Variants in CNOT4 observed in about 807,000 individuals in gnomAD.
The protein encoded by CNOT4 is CCR4-NOT transcription complex subunit 4.
CNOT4 carries 8 observed loss-of-function variants against 73.8 expected under a neutral mutation model. That is an observed-to-expected ratio of 0.11 (90% CI 0.06 to 0.20). The LOEUF (loss-of-function observed/expected upper bound fraction) is 0.20, where lower values mean the gene tolerates loss of function less well. CNOT4 is among the 10% of genes least tolerant of loss of function. CNOT4 has a pLI of 1.00. For synonymous variants in CNOT4, 293 were observed against 321.1 expected, an observed-to-expected ratio of 0.91 and a Z score of 0.94; for missense variants, 564 against 883.4, an observed-to-expected ratio of 0.64 and a Z score of 4.58.
chr7:135,397,418 G>A (rs1028383150), intron 8 of CNOT4, among the ~76,000 whole-genome samples: 1 of 151,798 alleles, frequency 6.6e-6, no homozygotes, highest in African/African-American at 2.4e-5. Context: ...ATACACAAGG[G>A]GATATACAGA....
intron 2 of CNOT4, among the ~76,000 whole-genome samples, chr7:135,432,092 C>T (rs971771856): frequency 2.0e-5 from 3 of 151,554 alleles, no homozygotes; most frequent in Non-Finnish European, 3.0e-5. Context: ...AACCTTGTCA[C>T]GCCAGGTTTC....
chr7:135,494,350 A>C (rs1234664332), intron 1 of CNOT4, among the ~76,000 whole-genome samples: 1 of 151,680 alleles, frequency 6.6e-6, no homozygotes, highest in East Asian at 1.9e-4. Context: ...CGCGCCTGTA[A>C]TCCCAGCTAC....
At chr7:135,390,912 G>C (rs1275220735) in intron 10 of CNOT4, among the ~76,000 whole-genome samples, 1 of 152,098 alleles carries the variant, frequency 6.6e-6, no homozygotes, top group Non-Finnish European at 1.5e-5. Flanking sequence ...ATATCTTAAA[G>C]TAGCAGGTCC....
intron 7 of CNOT4, among the ~76,000 whole-genome samples, chr7:135,408,542 C>T (rs972693511): frequency 6.6e-6 from 1 of 152,176 alleles, no homozygotes; most frequent in African/African-American, 2.4e-5. Flanking sequence ...CATCTTCCAA[C>T]CTACTTACTG....
chr7:135,506,120 G>A (rs141701793), intron 1 of CNOT4, among the ~76,000 whole-genome samples: 2 of 152,210 alleles, frequency 1.3e-5, no homozygotes, highest in African/African-American at 4.8e-5. Flanking sequence ...CTTTTATTCA[G>A]GAATGGATAT....
intron 1 of CNOT4, among the ~76,000 whole-genome samples, chr7:135,501,596 G>A (rs1803972426): frequency 6.6e-6 from 1 of 152,070 alleles, no homozygotes; most frequent in African/African-American, 2.4e-5. Flanking sequence ...GCACACTATT[G>A]AACGAGTAAT....
intron 1 of CNOT4, among the ~76,000 whole-genome samples, chr7:135,459,217 C>A (rs929390784): frequency 6.6e-6 from 1 of 151,894 alleles, no homozygotes; most frequent in African/African-American, 2.4e-5. Flanking sequence ...ATCTTTTTTT[C>A]TGAGCGGTAG....
chr7:135,409,376 A>C (rs1451668384), intron 7 of CNOT4, among the ~76,000 whole-genome samples: 1 of 152,216 alleles, frequency 6.6e-6, no homozygotes, highest in Non-Finnish European at 1.5e-5. Context: ...TACATAGTTT[A>C]CTATACAGTA....
At chr7:135,426,918 C>T (rs1798539509) in intron 2 of CNOT4, among the ~76,000 whole-genome samples, 2 of 143,380 alleles carry the variant, frequency 1.4e-5, no homozygotes, top group Non-Finnish European at 3.0e-5. Flanking sequence ...AATGAAACTC[C>T]ATCTCAAAAA....
chr7:135,370,989 C>T (rs10255837), intron 10 of CNOT4, among the ~76,000 whole-genome samples: 102,775 of 152,156 alleles, frequency 0.68, 35,047 homozygotes, highest in Middle Eastern at 0.79. Context: ...AAATACTCCA[C>T]TATTATGTGT....
intron 10 of CNOT4, among the ~76,000 whole-genome samples, chr7:135,389,157 C>CAAAAAAAAAAAA (rs11292254): frequency 1.2e-5 from 1 of 83,670 alleles, no homozygotes; most frequent in African/African-American, 4.5e-5. Flanking sequence ...AACATACTAC[C>CAAAAAAAAAAAA]AAAAAAAAAA....
At chr7:135,474,037 T>C (rs1189222426) in intron 1 of CNOT4, among the ~76,000 whole-genome samples, 2 of 145,176 alleles carry the variant, frequency 1.4e-5, no homozygotes, top group Non-Finnish European at 3.0e-5. Context: ...TGGAGTGCAA[T>C]GGTGCAATCT....
intron 1 of CNOT4, among the ~76,000 whole-genome samples, chr7:135,453,586 C>T (rs537436199): frequency 6.6e-6 from 1 of 151,214 alleles, no homozygotes; most frequent in East Asian, 1.9e-4. Flanking sequence ...AGGAAGCGTA[C>T]AGTAAGACAG....
At position 135,395,849 on chromosome 7, in the gene CNOT4, C is replaced by A. The variant is rs757342148; in HGVS notation, c.914G>T (p.Gly305Val). Residue 305 changes from glycine (G) to valine (V), a missense_variant, in exon 9 of 12, where the codon GGT becomes GTT. Around this residue, in one of 10 missense-constraint regions of CNOT4, gnomAD observed 135 missense variants for 154.0 expected, o/e 0.88. Coordinates refer to ENST00000541284, the MANE Select transcript of CNOT4 (RefSeq NM_001190850.2). ...GATGACTGGATTGGATTTTGACAAA[C>A]CAGGTGGTGGTGAAGGCGTATCACT... is the stretch of plus-strand genomic sequence containing the variant. ...SNSDTPSPPP[G>V]LSKSNPVIPI... is the part of the protein sequence containing the mutation. 8.7e-6 allele frequency: 14 copies of A among 1,610,848 alleles called. No individual in the cohort carries two copies. The highest frequency in any genetic ancestry group is 1.2e-5 in the Non-Finnish European group (14 of 1,177,098).
intron 1 of CNOT4, among the ~76,000 whole-genome samples, chr7:135,441,219 A>G (rs1439667242): frequency 1.5e-4 from 1 of 6,846 alleles, no homozygotes; most frequent in Non-Finnish European, 3.0e-4. Context: ...AGAAAAATCC[A>G]TATTATCTAA....
intron 1 of CNOT4, among the ~76,000 whole-genome samples, chr7:135,453,990 A>C (rs1800364723): frequency 1.1e-5 from 1 of 92,658 alleles, no homozygotes; most frequent in South Asian, 3.5e-4. Flanking sequence ...ATATATATAC[A>C]TATATATATA....
intron 1 of CNOT4, among the ~76,000 whole-genome samples, chr7:135,492,426 C>T (rs544902209): frequency 3.2e-4 from 48 of 151,986 alleles, no homozygotes; most frequent in Non-Finnish European, 5.4e-4. Flanking sequence ...ATATGACTGG[C>T]GATTGAATTA....
At chr7:135,427,762 A>C (rs958730047) in intron 2 of CNOT4, among the ~76,000 whole-genome samples, 2 of 151,400 alleles carry the variant, frequency 1.3e-5, no homozygotes, top group African/African-American at 4.8e-5. Flanking sequence ...CAACATAAAA[A>C]TTTTTTTTTT....
At chr7:135,447,591 C>T (rs937078457) in intron 1 of CNOT4, among the ~76,000 whole-genome samples, 13 of 152,150 alleles carry the variant, frequency 8.5e-5, no homozygotes, top group African/African-American at 2.4e-4. Flanking sequence ...AAATCAAAAG[C>T]AGCATACAAA....
Sources: gnomAD v4.1 joint callset for allele counts (sites outside exome capture counted in the v4.1 genomes callset) on GRCh38, gnomAD v4.1.1 for gene constraint, gnomAD v4.1.1 regional missense constraint, MANE v1.5 for transcripts, NCBI Gene and HGNC (gene_info 2026-07-23, HGNC 2026-07-21) for gene names.